SLCO3A1: variants seen among roughly 807,000 people sequenced by gnomAD.
SLCO3A1 encodes PGE1 transporter.
SLCO3A1 carries 27 observed loss-of-function variants against 63.1 expected under a neutral mutation model. The observed-to-expected ratio is 0.43, with a 90% CI of 0.32 to 0.59. The LOEUF (loss-of-function observed/expected upper bound fraction) is 0.59. SLCO3A1 is among the 20% of genes least tolerant of loss of function. The pLI, the probability that SLCO3A1 is intolerant of heterozygous loss-of-function variation, is 0.09. For synonymous variants in SLCO3A1, 473 were observed against 409.9 expected, an observed-to-expected ratio of 1.15 and a Z score of -1.86; for missense variants, 773 against 945.8, an observed-to-expected ratio of 0.82 and a Z score of 2.40.
intron 2 of SLCO3A1, among the ~76,000 whole-genome samples, chr15:91,946,111 C>G (rs181839011): frequency 6.6e-6 from 1 of 152,344 alleles, no homozygotes; most frequent in Admixed American, 6.5e-5. Flanking sequence ...GTATGGACTT[C>G]TTACTTCAGG....
intron 1 of SLCO3A1, among the ~76,000 whole-genome samples, chr15:91,902,180 G>A (rs1296056959): frequency 1.3e-5 from 2 of 151,690 alleles, no homozygotes; most frequent in African/African-American, 4.8e-5. Flanking sequence ...CTTTTTTTAA[G>A]AAAAATATTT....
At chr15:92,100,368 C>T (rs1567119643) in intron 3 of SLCO3A1, among the ~76,000 whole-genome samples, 1 of 152,202 alleles carries the variant, frequency 6.6e-6, no homozygotes, top group South Asian at 2.1e-4. Context: ...CCAGAATGTG[C>T]CACACCTTGA....
At chr15:92,145,112 A>G (rs1255295445) in intron 7 of SLCO3A1, among the ~76,000 whole-genome samples, 2 of 152,196 alleles carry the variant, frequency 1.3e-5, no homozygotes. Flanking sequence ...TGCTCCTGGG[A>G]GCTCCGGGGA....
In SLCO3A1 at chr15:91,934,417, A is replaced by G. The variant is rs571194932; in HGVS notation, c.646+17959A>G. Among the ~76,000 whole-genome samples the G allele has an allele frequency of 2.0e-5, 3 of 152,342 alleles. No homozygotes were observed. In the South Asian group the frequency reaches 6.2e-4, roughly 32 times the overall value. On this transcript the variant is annotated intron_variant, in intron 2 of 9. Transcript: ENST00000318445. Reference sequence around the variant, plus strand: ...GTAGAAGCACAGAGACCCATGGGTCACTGTCTGCCAAAATGCTTCTTTGCA... The same window carrying G: ...GTAGAAGCACAGAGACCCATGGGTCGCTGTCTGCCAAAATGCTTCTTTGCA...
intron 7 of SLCO3A1, among the ~76,000 whole-genome samples, chr15:92,146,613 A>G (rs1167925639): frequency 6.6e-6 from 1 of 152,276 alleles, no homozygotes. Context: ...TGCATAAAAG[A>G]GAGGACAAAT....
At chr15:92,029,017 G>C (rs2046613220) in intron 2 of SLCO3A1, among the ~76,000 whole-genome samples, 1 of 150,934 alleles carries the variant, frequency 6.6e-6, no homozygotes, top group Non-Finnish European at 1.5e-5. Context: ...AAAATGTCCT[G>C]TTTCCTTCAG....
chr15:92,171,865 G>T (rs537905539), exon 11 of SLCO3A1: 2 of 1,550,134 alleles, frequency 1.3e-6, no homozygotes, highest in African/African-American at 2.7e-5. Context: ...GAAGCTGAGG[G>T]CCTGGCCCTC....
At chr15:92,064,153 A>G (rs2047120482) in intron 2 of SLCO3A1, among the ~76,000 whole-genome samples, 1 of 152,138 alleles carries the variant, frequency 6.6e-6, no homozygotes, top group African/African-American at 2.4e-5. Flanking sequence ...AGTGACCCCC[A>G]TGGAGGCACC....
rs13329135 is a variant in SLCO3A1 at position 91,987,465 on chromosome 15, G to A, written c.646+71007G>A. The stretch of plus-strand genomic sequence containing the variant: ...GCCTGTTTTGTTAATAATAAAGTCA[G>A]GCACAGTGGCTCATGCCTGTAATCC... On this transcript the variant is annotated intron_variant, in intron 2 of 9. Transcript: ENST00000318445. Among the ~76,000 whole-genome samples the A allele has an allele frequency of 4.6e-3, 708 of 152,290 alleles. 4 individuals carry two copies. Among genetic ancestry groups the A allele is most frequent in the Middle Eastern group, 0.017 (5 of 294 alleles).
At position 91,863,381 on chromosome 15, in the gene SLCO3A1, G is replaced by A. The variant is rs1263757880; in HGVS notation, c.180+9293G>A. The stretch of plus-strand genomic sequence containing the variant: ...GTGGTGGAGGGCAGGGCCCCCTTAA[G>A]GTTGGCTTTCGAGGTTGCTCGTGCA... On this transcript the variant is annotated intron_variant, in intron 1 of 9. Coordinates refer to ENST00000318445, the MANE Select transcript of SLCO3A1 (RefSeq NM_013272.4). This position sits in a 1 kb window ranked among gnomAD's most constrained non-coding sequence, Gnocchi z 4.3. Among the ~76,000 whole-genome samples the A allele has an allele frequency of 6.6e-6, 1 of 152,244 alleles. No individual in the cohort carries two copies. Among genetic ancestry groups the A allele is most frequent in the African/African-American group, 2.4e-5 (1 of 41,470 alleles).
At chr15:92,146,927 T>C in intron 7 of SLCO3A1, 57 bp from the exon 8 acceptor site, 1 of 1,508,270 alleles carries the variant, frequency 6.6e-7, no homozygotes, top group Non-Finnish European at 9.0e-7. Flanking sequence ...ATGGATGGCT[T>C]TGCCTTTGGA....
Position 91,948,056 on chromosome 15 carries a change from A to G in SLCO3A1, c.646+31598A>G, listed in dbSNP as rs1597147453. On this transcript the variant is annotated intron_variant, in intron 2 of 9. Coordinates refer to ENST00000318445, the MANE Select transcript of SLCO3A1 (RefSeq NM_013272.4). The surrounding 1 kb of genome is among the most constrained non-coding windows in gnomAD (Gnocchi z 4.8). Reference sequence around the variant, plus strand: ...GGAGCAGAAGCAGAATTCAGATGACAGATAGACGAATGGAGATAAAATAGA... The same window carrying G: ...GGAGCAGAAGCAGAATTCAGATGACGGATAGACGAATGGAGATAAAATAGA... Among the ~76,000 whole-genome samples, 1 of 152,216 alleles carries G rather than the reference A, an allele frequency of 6.6e-6. No individual in the cohort carries two copies. Among genetic ancestry groups the G allele is most frequent in the African/African-American group, 2.4e-5 (1 of 41,446 alleles).
intron 2 of SLCO3A1, among the ~76,000 whole-genome samples, chr15:91,964,974 T>C (rs1239444906): frequency 4.6e-5 from 7 of 152,086 alleles, no homozygotes; most frequent in Non-Finnish European, 1.0e-4. Context: ...TCTAGACTTT[T>C]CTGCGTGTGC....
chr15:91,880,097 G>A (rs1897517251), intron 1 of SLCO3A1, among the ~76,000 whole-genome samples: 1 of 99,372 alleles, frequency 1.0e-5, no homozygotes, highest in Non-Finnish European at 2.1e-5. Flanking sequence ...GCTTGTATGT[G>A]TGTCCGTCCG....
At chr15:91,924,608 T>G (rs1256163711) in intron 2 of SLCO3A1, among the ~76,000 whole-genome samples, 1 of 152,148 alleles carries the variant, frequency 6.6e-6, no homozygotes, top group East Asian at 1.9e-4. Context: ...TCGCTGTGGT[T>G]CTGAATGTTA....
chr15:92,020,224 T>C (rs954258991), intron 2 of SLCO3A1, among the ~76,000 whole-genome samples: 8 of 142,090 alleles, frequency 5.6e-5, no homozygotes, highest in East Asian at 1.9e-4. Context: ...ACACTATATA[T>C]ACACACACAC....
In SLCO3A1 at chr15:91,950,512, C is replaced by T. The variant is rs977016377; in HGVS notation, c.646+34054C>T. Among the ~76,000 whole-genome samples the T allele has an allele frequency of 6.6e-6, 1 of 152,232 alleles. No homozygotes were observed. The highest frequency in any genetic ancestry group is 2.4e-5 in the African/African-American group (1 of 41,450). On this transcript the variant is annotated intron_variant, in intron 2 of 9. Transcript: ENST00000318445. This position sits in a 1 kb window ranked among gnomAD's most constrained non-coding sequence, Gnocchi z 4.4. ...AACGTTGTGCAGTATGGCAGGCGCA[C>T]CCCACATGGGTGTGTGATCCTTTGT...
At chr15:92,150,397 A>C (rs1418210725) in intron 8 of SLCO3A1, among the ~76,000 whole-genome samples, 1 of 152,066 alleles carries the variant, frequency 6.6e-6, no homozygotes. Context: ...TCCTTCAATC[A>C]AGTTGCCACT....
chr15:91,906,885 A>G (rs1898323516), intron 1 of SLCO3A1, among the ~76,000 whole-genome samples: 1 of 151,988 alleles, frequency 6.6e-6, no homozygotes, highest in South Asian at 2.1e-4. Flanking sequence ...TACAGAGAAA[A>G]ATCAATGATG....
Sources: gnomAD v4.1 joint callset for allele counts (sites outside exome capture counted in the v4.1 genomes callset) on GRCh38, gnomAD v4.1.1 for gene constraint, Gnocchi (gnomAD v3.1) non-coding constraint, MANE v1.5 for transcripts, NCBI Gene and HGNC (gene_info 2026-07-23, HGNC 2026-07-21) for gene names.